Variants in ROBO2 observed in about 807,000 individuals in gnomAD.
The protein encoded by ROBO2 is roundabout guidance receptor 2, also known as roundabout homolog 2.
A neutral mutation model predicts 160.8 loss-of-function variants in ROBO2; 53 were observed. That is an observed-to-expected ratio of 0.33 (90% CI 0.26 to 0.41). The LOEUF is 0.41. Among genes scored for constraint, ROBO2 ranks in the 10% least tolerant of loss-of-function variants. The probability of loss-of-function intolerance (pLI) is 1.00; values close to 1 mark genes in which losing one functional copy is unlikely to be tolerated. For synonymous variants in ROBO2, 664 were observed against 611.7 expected, an observed-to-expected ratio of 1.09 and a Z score of -1.26; for missense variants, 1,577 against 1,722.4, an observed-to-expected ratio of 0.92 and a Z score of 1.49.
chr3:76,458,260 C>T (rs1246882246), intron 2 of ROBO2, among the ~76,000 whole-genome samples: 2 of 152,132 alleles, frequency 1.3e-5, no homozygotes, highest in African/African-American at 4.8e-5. Context: ...AAATTTCTTC[C>T]TCCAGATACT....
At chr3:77,613,993 T>C (rs1245436804) in intron 21 of ROBO2, among the ~76,000 whole-genome samples, 1 of 152,152 alleles carries the variant, frequency 6.6e-6, no homozygotes, top group Non-Finnish European at 1.5e-5. Flanking sequence ...TTGGTTCTTA[T>C]AAATAAATGC....
chr3:77,276,413 T>C (rs1448548883), intron 2 of ROBO2, among the ~76,000 whole-genome samples: 1 of 152,134 alleles, frequency 6.6e-6, no homozygotes, highest in Non-Finnish European at 1.5e-5. Context: ...AAATACTTGA[T>C]TTTTGGCTCA....
intron 2 of ROBO2, among the ~76,000 whole-genome samples, chr3:76,983,301 A>G (rs1037423902): frequency 2.0e-5 from 3 of 152,160 alleles, no homozygotes; most frequent in African/African-American, 7.2e-5. Context: ...AAAAAATTAT[A>G]AAGTGTACAT....
intron 2 of ROBO2, among the ~76,000 whole-genome samples, chr3:76,340,171 T>C (rs543019896): frequency 2.6e-5 from 4 of 152,046 alleles, no homozygotes; most frequent in Admixed American, 2.6e-4. Flanking sequence ...ACACTGACTG[T>C]GATTTTACTA....
At chr3:76,180,442 C>T (rs1239942490) in intron 2 of ROBO2, among the ~76,000 whole-genome samples, 3 of 152,038 alleles carry the variant, frequency 2.0e-5, no homozygotes, top group African/African-American at 7.2e-5. Flanking sequence ...CTTCACTCAC[C>T]CCAAATTTGT....
intron 2 of ROBO2, among the ~76,000 whole-genome samples, chr3:76,357,845 A>C (rs2075267277): frequency 6.6e-6 from 1 of 151,096 alleles, no homozygotes; most frequent in South Asian, 2.1e-4. Flanking sequence ...AATAGATTAG[A>C]AACATCAAAC....
rs973053711 is a variant in ROBO2, at chr3:76,989,727, T to C, written c.110-108287T>C. Among the ~76,000 whole-genome samples the C allele has an allele frequency of 4.6e-5, 7 of 152,134 alleles. No individual in the cohort carries two copies. The East Asian group carries it at 9.6e-4, about 21-fold the overall frequency. On this transcript the variant is annotated intron_variant, in intron 2 of 26. Coordinates refer to the ROBO2 transcript ENST00000487694. ...TTTCAGTAAGACTGGGTATTTATTA[T>C]AAGAAAACTGATATAAGACTAGAGA... is the stretch of plus-strand genomic sequence containing the variant.
intron 2 of ROBO2, among the ~76,000 whole-genome samples, chr3:77,289,883 C>A (rs555574766): frequency 7.3e-6 from 1 of 136,214 alleles, no homozygotes; most frequent in Non-Finnish European, 1.6e-5. Flanking sequence ...AATGGTAAAA[C>A]GGGAAGTTGA....
chr3:75,979,761 G>A (rs1464589746), intron 2 of ROBO2, among the ~76,000 whole-genome samples: 1 of 151,456 alleles, frequency 6.6e-6, no homozygotes, highest in Non-Finnish European at 1.5e-5. Flanking sequence ...TTTCTTCTAA[G>A]CCTGAAAGCT....
intron 2 of ROBO2, among the ~76,000 whole-genome samples, chr3:76,111,212 C>T (rs1172341696): frequency 6.6e-6 from 1 of 151,916 alleles, no homozygotes; most frequent in Non-Finnish European, 1.5e-5. Context: ...CATGTTAAGA[C>T]ACAGGGACAC....
intron 5 of ROBO2, among the ~76,000 whole-genome samples, chr3:77,498,141 A>G (rs1169991611): frequency 6.6e-6 from 1 of 152,114 alleles, no homozygotes; most frequent in Non-Finnish European, 1.5e-5. Context: ...ATCTCTCATC[A>G]ATCATATAAC....
intron 2 of ROBO2, among the ~76,000 whole-genome samples, chr3:76,751,862 A>G (rs1272718818): frequency 6.6e-6 from 1 of 152,178 alleles, no homozygotes; most frequent in African/African-American, 2.4e-5. Flanking sequence ...AACTAGTTCA[A>G]CCATTGTGGA....
intron 2 of ROBO2, among the ~76,000 whole-genome samples, chr3:77,234,690 A>G (rs956703313): frequency 1.3e-5 from 2 of 152,212 alleles, no homozygotes; most frequent in African/African-American, 4.8e-5. Flanking sequence ...ATGTTGACCT[A>G]TGTAAGTGCT....
At chr3:76,272,861 T>A in intron 2 of ROBO2, among the ~76,000 whole-genome samples, 1 of 87,442 alleles carries the variant, frequency 1.1e-5, no homozygotes, top group African/African-American at 4.9e-5. Context: ...ATATAAAATA[T>A]ATAAAATATA....
At chr3:76,777,734 T>G (rs555538963) in intron 2 of ROBO2, among the ~76,000 whole-genome samples, 1 of 151,198 alleles carries the variant, frequency 6.6e-6, no homozygotes, top group South Asian at 2.1e-4. Context: ...CTCTGGTTCT[T>G]GTATAAGAGA....
chr3:76,687,550 G>A (rs1413213532), intron 2 of ROBO2, among the ~76,000 whole-genome samples: 4 of 151,740 alleles, frequency 2.6e-5, no homozygotes, highest in East Asian at 1.9e-4. Flanking sequence ...AGAAAGAAAC[G>A]GGCTCAGGAA....
chr3:76,633,054 G>A (rs2090120721), intron 2 of ROBO2, among the ~76,000 whole-genome samples: 1 of 152,164 alleles, frequency 6.6e-6, no homozygotes, highest in South Asian at 2.1e-4. Flanking sequence ...ATGTTTACAG[G>A]ATTATTGTAA....
intron 16 of ROBO2, among the ~76,000 whole-genome samples, chr3:77,582,541 CT>C (rs534604624): frequency 2.4e-4 from 36 of 152,070 alleles, no homozygotes; most frequent in Non-Finnish European, 5.0e-4. Flanking sequence ...TTCCTGCTTT[CT>C]TTTGATAAAA....
chr3:76,715,446 A>G (rs1292018974), intron 2 of ROBO2, among the ~76,000 whole-genome samples: 2 of 152,198 alleles, frequency 1.3e-5, no homozygotes, highest in Non-Finnish European at 2.9e-5. Context: ...GGCCTTTTTC[A>G]GGTGCAGTCT....
Sources: gnomAD v4.1 joint callset for allele counts (sites outside exome capture counted in the v4.1 genomes callset) on GRCh38, gnomAD v4.1.1 for gene constraint, MANE v1.5 for transcripts, NCBI Gene and HGNC (gene_info 2026-07-23, HGNC 2026-07-21) for gene names.